EVI2A: variants seen among roughly 807,000 people sequenced by gnomAD.
EVI2A encodes the protein ecotropic viral integration site 2A, also known as protein EVI2A.
Under a neutral mutation model 13.0 loss-of-function variants are expected in EVI2A, and 11 were observed. The observed-to-expected ratio is 0.85, with a 90% CI of 0.53 to 1.40. EVI2A has a LOEUF of 1.40. Ranked by LOEUF, EVI2A falls within the 40% of genes most tolerant of loss-of-function variation. The pLI is 0.00. For synonymous variants in EVI2A, 89 were observed against 98.0 expected (o/e 0.91, Z 0.54); for missense variants, 267 against 279.5 (o/e 0.96, Z 0.32).
chr17:31,317,325 A>G lies in EVI2A; in HGVS notation c.*978T>C, dbSNP rs529606388. ...TATTTTACTTGAAGCCAGTTTCTTT[A>G]AAGGTTAAATTATAACCTGAAGTAT... On this transcript the variant is annotated 3_prime_UTR_variant, in exon 2 of 2. Transcript: ENST00000462804. 6.6e-6 allele frequency among the ~76,000 whole-genome samples: 1 copy of G among 151,754 alleles called. No individual in the cohort carries two copies. Among genetic ancestry groups the G allele is most frequent in the South Asian group, 2.1e-4 (1 of 4,802 alleles).
chr17:31,320,289 A>C, intron 1 of EVI2A: 3 of 1,133,064 alleles, frequency 2.6e-6, no homozygotes, highest in Non-Finnish European at 3.6e-6. Context: ...CTGGTTAAGA[A>C]CCCTACGTAT....
Position 31,318,311 on chromosome 17 carries a change from T to C in EVI2A, c.703A>G (p.Ile235Val), listed in dbSNP as rs751584664. The change falls in exon 2 of 2, where the codon ATA (isoleucine) becomes GTA (valine). Residue 235 changes from isoleucine (I) to valine (V), a missense_variant. Ile to Val is a conservative substitution (Grantham distance 29, BLOSUM62 3). Coordinates refer to ENST00000462804, the MANE Select transcript of EVI2A (RefSeq NM_014210.4). ...EGTEKLTNKQIG is the reference protein window; with the variant it reads ...EGTEKLTNKQVG ...CTTTGCATTTTTCTTCACTAACCTATCTGTTTGTTAGTAAGTTTTTCAGTT... is the reference window on the plus strand; with the variant it reads ...CTTTGCATTTTTCTTCACTAACCTACCTGTTTGTTAGTAAGTTTTTCAGTT... 6.2e-7 allele frequency: 1 copy of C among 1,606,242 alleles called. No homozygotes were observed. The highest frequency in any genetic ancestry group is 8.5e-7 in the Non-Finnish European group (1 of 1,177,620).
Position 31,318,380 on chromosome 17 carries a change from T to C in EVI2A, c.634A>G (p.Thr212Ala). The change falls in exon 2 of 2, where the codon ACT (threonine) becomes GCT (alanine). Residue 212 changes from threonine to alanine, a missense_variant. Transcript: ENST00000462804. ...LTGPNLVMQS[T>A]GVLTATRERK... is the part of the protein sequence containing the mutation. ...TCCCTTGTAGCTGTGAGCACTCCAGTAGATTGCATCACTAGGTTGGGTCCT... is the reference window on the plus strand; with the variant it reads ...TCCCTTGTAGCTGTGAGCACTCCAGCAGATTGCATCACTAGGTTGGGTCCT... 4.3e-6 allele frequency: 7 copies of C among 1,614,066 alleles called. No individual in the cohort carries two copies. The highest frequency in any genetic ancestry group is 5.9e-6 in the Non-Finnish European group (7 of 1,179,992).
In EVI2A at chr17:31,317,750, G is replaced by GTTTTTCT; in HGVS notation, c.*552_*553insAGAAAAA. ...ATAGTAGAAAAACACTTTCTTACGT[G>GTTTTTCT]TGCCATATGGAAAGATAAAGGATCT... is the stretch of plus-strand genomic sequence containing the variant. On this transcript the variant is annotated 3_prime_UTR_variant, in exon 2 of 2. Transcript: ENST00000462804. The GTTTTTCT allele has an allele frequency of 6.6e-6, 1 of 152,292 alleles. No homozygotes were observed. Among genetic ancestry groups the GTTTTTCT allele is most frequent in the East Asian group, 1.9e-4 (1 of 5,186 alleles). 9.4% of individuals were successfully genotyped at this position (152,292 alleles called of 1,614,324 possible).
At chr17:31,320,113 T>G (rs942299915) in intron 1 of EVI2A, among the ~76,000 whole-genome samples, 2 of 152,158 alleles carry the variant, frequency 1.3e-5, no homozygotes, top group African/African-American at 4.8e-5. Flanking sequence ...TTCCATGTAC[T>G]GCTAACCCAG....
In EVI2A at chr17:31,318,483, A is replaced by G. The variant is rs2069086055; in HGVS notation, c.531T>C (p.Pro177=). 1 of 1,613,922 alleles carries G rather than the reference A, an allele frequency of 6.2e-7. No individual in the cohort carries two copies. The highest frequency in any genetic ancestry group is 8.5e-7 in the Non-Finnish European group (1 of 1,180,028). The change falls in exon 2 of 2, where the codon CCT becomes CCC. Residue 177 remains proline (P), a synonymous_variant. Transcript: ENST00000462804. The part of the protein sequence containing the change: ...RRSKQVGKRQ[P]RSNGDFLASG... ...TTGCCAGAAAATCGCCATTGCTTCTAGGCTGACGCTTGCCTACTTGTTTTG... is the reference window on the plus strand; with the variant it reads ...TTGCCAGAAAATCGCCATTGCTTCTGGGCTGACGCTTGCCTACTTGTTTTG...
chr17:31,318,686 T>C lies in EVI2A; in HGVS notation c.328A>G (p.Ile110Val). 1 of 1,614,180 alleles carries C rather than the reference T, an allele frequency of 6.2e-7. No individual in the cohort carries two copies. Reference sequence around the variant, plus strand: ...CCATGACTTTTGCTTGTGTTTTCAATGCTCTGTACTGTTGAAGGACTGTTG... The same window carrying C: ...CCATGACTTTTGCTTGTGTTTTCAACGCTCTGTACTGTTGAAGGACTGTTG... ...VSNSPSTVQS[I>V]ENTSKSHGEI... Residue 110 changes from isoleucine to valine, a missense_variant, in exon 2 of 2, where the codon ATT becomes GTT. Transcript: ENST00000462804.
chr17:31,318,440 C>T lies in EVI2A; in HGVS notation c.574G>A (p.Glu192Lys). 7 of 1,613,964 alleles carry T rather than the reference C, an allele frequency of 4.3e-6. No homozygotes were observed. Among genetic ancestry groups the T allele is most frequent in the Non-Finnish European group, 5.9e-6 (7 of 1,179,986 alleles). ...DFLASGLWPA[E>K]SDTWKRTKQL... ...TTTGTTCTTTTCCAAGTGTCTGATTCAGCGGGCCATAGACCGCTTGCCAGA... is the reference window on the plus strand; with the variant it reads ...TTTGTTCTTTTCCAAGTGTCTGATTTAGCGGGCCATAGACCGCTTGCCAGA... Residue 192 changes from glutamate to lysine, a missense_variant, in exon 2 of 2, where the codon GAA becomes AAA. Physicochemically the swap from Glu to Lys is moderately conservative, Grantham distance 56. Transcript: ENST00000462804.
chr17:31,319,259 T>C (rs2069114919), intron 1 of EVI2A, among the ~76,000 whole-genome samples: 1 of 152,168 alleles, frequency 6.6e-6, no homozygotes, highest in Non-Finnish European at 1.5e-5. Flanking sequence ...TACAAATAAA[T>C]ATTAATCATT....
In EVI2A at chr17:31,318,490, C is replaced by T. The variant is rs766555455; in HGVS notation, c.524G>A (p.Arg175His). The T allele has an allele frequency of 6.8e-6, 11 of 1,613,886 alleles. No homozygotes were observed. Among genetic ancestry groups the T allele is most frequent in the East Asian group, 2.2e-5 (1 of 44,882 alleles). ...AAAATCGCCATTGCTTCTAGGCTGACGCTTGCCTACTTGTTTTGATCGTCT... is the reference window on the plus strand; with the variant it reads ...AAAATCGCCATTGCTTCTAGGCTGATGCTTGCCTACTTGTTTTGATCGTCT... ...SLRRSKQVGK[R>H]QPRSNGDFLA... Residue 175 changes from arginine (R) to histidine (H), a missense_variant, in exon 2 of 2, where the codon CGT (arginine) becomes CAT (histidine). Coordinates refer to ENST00000462804, the MANE Select transcript of EVI2A (RefSeq NM_014210.4).
chr17:31,321,140 T>G (rs1597823809), intron 1 of EVI2A: 1 of 152,240 alleles, frequency 6.6e-6, no homozygotes, highest in African/African-American at 2.4e-5. Context: ...AGTTTTCTTA[T>G]ATCTGATCAT....
rs2069075248 is a variant in EVI2A, at chr17:31,318,235, G to A, written c.*68C>T. ...TTAGATAATCAGAACAACACTTTGG[G>A]ATTAAATACCAACTGACTTCATTTT... On this transcript the variant is annotated 3_prime_UTR_variant, in exon 2 of 2. Coordinates refer to ENST00000462804, the MANE Select transcript of EVI2A (RefSeq NM_014210.4). 1.3e-6 allele frequency: 2 copies of A among 1,524,132 alleles called. No individual in the cohort carries two copies. The highest frequency in any genetic ancestry group is 1.8e-6 in the Non-Finnish European group (2 of 1,139,426). 94.4% of individuals were successfully genotyped at this position (1,524,132 alleles called of 1,614,324 possible).
intron 1 of EVI2A, chr17:31,320,292 C>T: frequency 2.5e-6 from 3 of 1,183,956 alleles, no homozygotes; most frequent in Non-Finnish European, 3.5e-6. Flanking sequence ...GTTAAGAACC[C>T]TACGTATGCT....
rs1352916869 is a variant in EVI2A at position 31,317,402 on chromosome 17, CA to C, written c.*900del. ...ACACACACACACACACACACACACA[CA>C]CCCCTAATAAATCATTAGGCTACTT... On this transcript the variant is annotated 3_prime_UTR_variant, in exon 2 of 2. Transcript: ENST00000462804. Among the ~76,000 whole-genome samples the C allele has an allele frequency of 5.8e-3, 873 of 151,698 alleles. 6 individuals are homozygous for C. Among genetic ancestry groups the C allele is most frequent in the African/African-American group, 0.016 (642 of 41,306 alleles).
Position 31,317,883 on chromosome 17 carries a change from G to A in EVI2A, c.*420C>T, listed in dbSNP as rs2069066977. 1 of 167,362 alleles carries A rather than the reference G, an allele frequency of 6.0e-6. No individual in the cohort carries two copies. Among genetic ancestry groups the A allele is most frequent in the Admixed American group, 6.0e-5 (1 of 16,704 alleles). The allele number at this position is 167,362 out of a possible 1,614,324, so 10.4% of individuals were successfully genotyped here. A position where few individuals can be genotyped will look rare whatever the true frequency, so the allele number is the denominator to read the frequency against. On this transcript the variant is annotated 3_prime_UTR_variant, in exon 2 of 2. Transcript: ENST00000462804. The stretch of plus-strand genomic sequence containing the variant: ...TTTAGCTCTCTCTATCTATGCATTA[G>A]GAATTTGACTTCCATTTGATGTTAA...
At position 31,317,403 on chromosome 17, in the gene EVI2A, A is replaced by ACACACACACACC. The variant is rs571315603; in HGVS notation, c.*899_*900insGGTGTGTGTGTG. Among the ~76,000 whole-genome samples the ACACACACACACC allele has an allele frequency of 2.0e-5, 3 of 147,288 alleles. No homozygotes were observed. Among genetic ancestry groups the ACACACACACACC allele is most frequent in the Non-Finnish European group, 3.0e-5 (2 of 66,984 alleles). On this transcript the variant is annotated 3_prime_UTR_variant, in exon 2 of 2. Transcript: ENST00000462804. ...CACACACACACACACACACACACAC[A>ACACACACACACC]CCCCTAATAAATCATTAGGCTACTT...
chr17:31,321,237 A>G (rs2069181270), intron 1 of EVI2A, among the ~76,000 whole-genome samples: 1 of 152,224 alleles, frequency 6.6e-6, no homozygotes, highest in Admixed American at 6.5e-5. Flanking sequence ...AAAAATAACA[A>G]AACATTTCCA....
Position 31,321,607 on chromosome 17 carries a change from A to G in EVI2A, c.-123T>C, listed in dbSNP as rs2069195095. 6.6e-6 allele frequency: 1 copy of G among 152,162 alleles called. No individual in the cohort carries two copies. The highest frequency in any genetic ancestry group is 2.1e-4 in the South Asian group (1 of 4,834). 9.4% of individuals were successfully genotyped at this position (152,162 alleles called of 1,614,324 possible). A position where few individuals can be genotyped will look rare whatever the true frequency, so the allele number is the denominator to read the frequency against. ...TTGGAGAATATGAGCCTTAAAGTAA[A>G]TCTGCAGTAAAAAAGGATATGTGCA... is the stretch of plus-strand genomic sequence containing the variant. On this transcript the variant is annotated 5_prime_UTR_variant, in exon 1 of 2. Transcript: ENST00000462804.
At position 31,318,421 on chromosome 17, in the gene EVI2A, C is replaced by G. The variant is rs1474458427; in HGVS notation, c.593G>C (p.Arg198Thr). The change falls in exon 2 of 2, where the codon AGA becomes ACA. Residue 198 changes from arginine to threonine, a missense_variant. Arg to Thr is a moderately conservative substitution (Grantham distance 71). Coordinates refer to ENST00000462804, the MANE Select transcript of EVI2A (RefSeq NM_014210.4). ...LWPAESDTWKRTKQLTGPNLV... is the reference protein window; with the variant it reads ...LWPAESDTWKTTKQLTGPNLV... Reference sequence around the variant, plus strand: ...GTTGGGTCCTGTGAGCTGTTTTGTTCTTTTCCAAGTGTCTGATTCAGCGGG... The same window carrying G: ...GTTGGGTCCTGTGAGCTGTTTTGTTGTTTTCCAAGTGTCTGATTCAGCGGG... 6.2e-7 allele frequency: 1 copy of G among 1,613,794 alleles called. No homozygotes were observed. The highest frequency in any genetic ancestry group is 1.1e-5 in the South Asian group (1 of 91,082).
Sources: gnomAD v4.1 joint callset for allele counts (sites outside exome capture counted in the v4.1 genomes callset) on GRCh38, gnomAD v4.1.1 for gene constraint, MANE v1.5 for transcripts, NCBI Gene and HGNC (gene_info 2026-07-23, HGNC 2026-07-21) for gene names.